ADGRL3: variants seen among roughly 807,000 people sequenced by gnomAD.
ADGRL3 encodes the protein adhesion G protein-coupled receptor L3.
In ADGRL3, 62 loss-of-function variants were observed where a neutral mutation model predicts 153.5. The observed-to-expected ratio is 0.40, with a 90% CI of 0.33 to 0.50. The LOEUF is 0.50. Ranked by LOEUF, ADGRL3 falls within the 20% of genes least tolerant of loss-of-function variation. The probability of loss-of-function intolerance (pLI) is 0.47; values close to 1 mark genes in which losing one functional copy is unlikely to be tolerated. For synonymous variants in ADGRL3, 710 were observed against 672.5 expected (o/e 1.06, Z -0.86); for missense variants, 1,641 against 1,859.4 (o/e 0.88, Z 2.16).
At chr4:61,407,439 A>C (rs547361020) in intron 2 of ADGRL3, among the ~76,000 whole-genome samples, 10 of 152,096 alleles carry the variant, frequency 6.6e-5, no homozygotes, top group Non-Finnish European at 1.3e-4. Context: ...CCTTAATTTC[A>C]TTTCTTTATA....
chr4:61,320,843 A>G (rs1175959961), intron 1 of ADGRL3, among the ~76,000 whole-genome samples: 7 of 152,172 alleles, frequency 4.6e-5, no homozygotes, highest in African/African-American at 1.7e-4. Context: ...CAGATGCCTG[A>G]AATAGTTCTC....
intron 1 of ADGRL3, among the ~76,000 whole-genome samples, chr4:61,326,139 G>A (rs1366900783): frequency 1.3e-5 from 2 of 152,100 alleles, no homozygotes; most frequent in Non-Finnish European, 2.9e-5. Flanking sequence ...GAGATGTTCA[G>A]TGCATATATG....
chr4:61,479,889 A>G (rs556006465), intron 2 of ADGRL3, among the ~76,000 whole-genome samples: 1 of 152,258 alleles, frequency 6.6e-6, no homozygotes, highest in South Asian at 2.1e-4. Flanking sequence ...TTAAATTATA[A>G]TTAACAATTA....
chr4:61,606,577 G>C (rs538607098), intron 5 of ADGRL3, among the ~76,000 whole-genome samples: 1 of 152,114 alleles, frequency 6.6e-6, no homozygotes, highest in Non-Finnish European at 1.5e-5. Context: ...CCTATTGGAC[G>C]AGGGTCCCAT....
intron 21 of ADGRL3, among the ~76,000 whole-genome samples, chr4:62,014,292 A>C (rs2151293333): frequency 6.6e-6 from 1 of 152,256 alleles, no homozygotes; most frequent in Middle Eastern, 3.4e-3. Context: ...GCCAGTGGGC[A>C]ACAATTTCAC....
intron 4 of ADGRL3, among the ~76,000 whole-genome samples, chr4:61,536,600 ATCT>A (rs1373042566): frequency 2.0e-5 from 3 of 151,750 alleles, no homozygotes; most frequent in South Asian, 2.1e-4. Context: ...GGATAGGTAA[ATCT>A]TCTTGTTGCA....
intron 5 of ADGRL3, among the ~76,000 whole-genome samples, chr4:61,614,052 A>T (rs904405340): frequency 1.3e-5 from 2 of 152,178 alleles, no homozygotes; most frequent in African/African-American, 4.8e-5. Context: ...TAAATTGAAA[A>T]ATAGTATTTT....
At chr4:61,900,035 G>A (rs921585935) in intron 11 of ADGRL3, among the ~76,000 whole-genome samples, 1 of 152,148 alleles carries the variant, frequency 6.6e-6, no homozygotes, top group Non-Finnish European at 1.5e-5. Context: ...TGTCCCTGGA[G>A]AACTCCTGAG....
intron 9 of ADGRL3, among the ~76,000 whole-genome samples, chr4:61,850,578 G>A (rs993156867): frequency 5.3e-5 from 8 of 152,090 alleles, no homozygotes; most frequent in African/African-American, 1.9e-4. Context: ...AGACAATGGA[G>A]GAAAATGGTA....
chr4:61,874,875 C>G (rs1050912759), intron 9 of ADGRL3, among the ~76,000 whole-genome samples: 5 of 129,882 alleles, frequency 3.8e-5, no homozygotes, highest in African/African-American at 1.4e-4. Flanking sequence ...GTGGCGCAAT[C>G]TCGGCTCACT....
intron 1 of ADGRL3, among the ~76,000 whole-genome samples, chr4:61,344,347 A>G (rs1318200647): frequency 6.6e-6 from 1 of 152,188 alleles, no homozygotes; most frequent in Non-Finnish European, 1.5e-5. Context: ...TGAGTAAAGT[A>G]CAAGTTAAAC....
At chr4:61,808,876 G>GT (rs1214319477) in intron 8 of ADGRL3, among the ~76,000 whole-genome samples, 2 of 150,528 alleles carry the variant, frequency 1.3e-5, no homozygotes, top group Non-Finnish European at 2.9e-5. Flanking sequence ...TTTAAATGTA[G>GT]TATGGTGTGG....
At chr4:62,033,269 T>A (rs1236205482) in intron 23 of ADGRL3, among the ~76,000 whole-genome samples, 3 of 151,708 alleles carry the variant, frequency 2.0e-5, no homozygotes, top group Non-Finnish European at 1.5e-5. Flanking sequence ...TGTTTTTTTT[T>A]ATCAGATAGG....
intron 1 of ADGRL3, among the ~76,000 whole-genome samples, chr4:61,335,351 A>G (rs147994711): frequency 3.9e-5 from 6 of 152,302 alleles, no homozygotes; most frequent in African/African-American, 1.4e-4. Context: ...ATTACTGTTT[A>G]AGATTATCCC....
intron 5 of ADGRL3, among the ~76,000 whole-genome samples, chr4:61,646,745 G>T (rs897509525): frequency 1.3e-5 from 2 of 152,158 alleles, no homozygotes; most frequent in African/African-American, 4.8e-5. Context: ...TCTGTGCCCT[G>T]CCCCCAGAGG....
intron 5 of ADGRL3, among the ~76,000 whole-genome samples, chr4:61,609,717 G>A (rs370883160): frequency 1.6e-4 from 24 of 151,804 alleles, no homozygotes; most frequent in Admixed American, 8.5e-4. Flanking sequence ...TCCTTCCCTC[G>A]GGCACGCCCT....
chr4:61,427,172 C>T (rs2097293474), intron 2 of ADGRL3: 1 of 152,266 alleles, frequency 6.6e-6, no homozygotes, highest in Non-Finnish European at 1.5e-5. Flanking sequence ...AAGCATTCAA[C>T]ATATGGCCCT....
At chr4:61,206,343 G>C (rs1577849669) in intron 1 of ADGRL3, among the ~76,000 whole-genome samples, 1 of 152,308 alleles carries the variant, frequency 6.6e-6, no homozygotes, top group East Asian at 1.9e-4. Context: ...TCATCCAACT[G>C]AATGTTTCTG....
intron 21 of ADGRL3, among the ~76,000 whole-genome samples, chr4:62,008,748 C>G (rs1175770464): frequency 6.6e-6 from 1 of 150,842 alleles, no homozygotes; most frequent in Non-Finnish European, 1.5e-5. Context: ...TATATAGATA[C>G]AAATATACAT....
Sources: gnomAD v4.1 joint callset for allele counts (sites outside exome capture counted in the v4.1 genomes callset) on GRCh38, gnomAD v4.1.1 for gene constraint, MANE v1.5 for transcripts, NCBI Gene and HGNC (gene_info 2026-07-23, HGNC 2026-07-21) for gene names.